The following ADGRE3 variants were observed in gnomAD, a reference collection of about 807,000 sequenced individuals.
ADGRE3 encodes the protein adhesion G protein-coupled receptor E3.
A neutral mutation model predicts 80.1 loss-of-function variants in ADGRE3; 88 were observed. The ratio of observed to expected loss-of-function variants is 1.10; its 90% CI spans 0.93 to 1.31. The LOEUF (loss-of-function observed/expected upper bound fraction) is 1.31, where lower values mean the gene tolerates loss of function less well. Among genes scored for constraint, ADGRE3 ranks in the 40% most tolerant of loss-of-function variants. The probability of loss-of-function intolerance (pLI) is 0.00; values close to 1 mark genes in which losing one functional copy is unlikely to be tolerated. For missense variants in ADGRE3, 715 were observed against 776.5 expected (o/e 0.92, Z 0.94); for synonymous variants, 281 against 294.8 (o/e 0.95, Z 0.48).
At chr19:14,636,108 T>TTC (rs1217714702) in intron 11 of ADGRE3, among the ~76,000 whole-genome samples, 1 of 55,492 alleles carries the variant, frequency 1.8e-5, no homozygotes, top group African/African-American at 6.4e-5. Flanking sequence ...CTTTCTTTCT[T>TTC]TCTTTCTTTC....
At chr19:14,645,741 G>T (rs984230408) in intron 8 of ADGRE3, among the ~76,000 whole-genome samples, 36 of 152,242 alleles carry the variant, frequency 2.4e-4, no homozygotes, top group Admixed American at 2.3e-3. Flanking sequence ...AGAAGCTGAG[G>T]TGGGAGGGTT....
the ADGRE3 span, among the ~76,000 whole-genome samples, chr19:14,607,541 TTTTATTTTATTATTTA>T: frequency 3.4e-5 from 5 of 145,924 alleles, no homozygotes; most frequent in African/African-American, 1.3e-4. Flanking sequence ...ACTTGTTTTA[TTTTATTTTATTATTTA>T]TTTATTTATT....
At chr19:14,615,202 C>CTTTTTTTT (rs34167082), downstream of ADGRE3, among the ~76,000 whole-genome samples, 36 of 65,632 alleles carry the variant, frequency 5.5e-4, 2 homozygotes, top group African/African-American at 8.0e-4. Flanking sequence ...CAGCTGCCTT[C>CTTTTTTTT]TTTTTTTTTT....
intron 1 of ADGRE3, 108 bp from the exon 2 acceptor site, chr19:14,668,960 A>G (rs1972178653): frequency 9.2e-7 from 1 of 1,083,690 alleles, no homozygotes; most frequent in Non-Finnish European, 1.4e-6. Flanking sequence ...GTAACAAATT[A>G]CAAAAATGTA....
intron 7 of ADGRE3, 45 bp from the exon 8 acceptor site, chr19:14,647,410 CTTTTTTTTT>C (rs35043921): frequency 2.1e-6 from 2 of 941,708 alleles, no homozygotes; most frequent in Non-Finnish European, 2.9e-6. Context: ...TCTTTTCTTT[CTTTTTTTTT>C]TTTTTTTTTT....
At chr19:14,674,711 G>A in intron 1 of ADGRE3, 35 bp downstream of exon 1, 1 of 1,608,656 alleles carries the variant, frequency 6.2e-7, no homozygotes, top group Non-Finnish European at 8.5e-7. Context: ...CTGGGGGATA[G>A]GTTAAGCCTC....
intron 7 of ADGRE3, among the ~76,000 whole-genome samples, chr19:14,649,470 ATC>A (rs149941008): frequency 0.18 from 18,829 of 103,842 alleles, 1,460 homozygotes; most frequent in Middle Eastern, 0.31. Context: ...CTTTTTCCCC[ATC>A]TCTCTCTTTT....
At chr19:14,607,320 C>T in the ADGRE3 span, among the ~76,000 whole-genome samples, 1 of 151,778 alleles carries the variant, frequency 6.6e-6, no homozygotes, top group Non-Finnish European at 1.5e-5. Context: ...TTCTCTGCCT[C>T]AGCCTCCCGA....
At chr19:14,617,543 C>T (rs1161277971), downstream of ADGRE3, among the ~76,000 whole-genome samples, 2 of 150,942 alleles carry the variant, frequency 1.3e-5, no homozygotes, top group African/African-American at 2.4e-5. Flanking sequence ...GATTACAGGC[C>T]CCTGCCACCA....
chr19:14,620,468 A>ATATATG (rs1970525586), intron 15 of ADGRE3, among the ~76,000 whole-genome samples: 20 of 123,730 alleles, frequency 1.6e-4, no homozygotes, highest in South Asian at 5.0e-4. Context: ...ATATATGAAT[A>ATATATG]TATTATGAGT....
In ADGRE3 at chr19:14,620,568, ATTTTTTTTTT is replaced by A. The variant is rs1189295641; in HGVS notation, c.1921-1107_1921-1098del. On this transcript the variant is annotated intron_variant, in intron 15 of 15. Coordinates refer to ENST00000253673, the MANE Select transcript of ADGRE3 (RefSeq NM_032571.5). ...ATATATTATATATATATATATATAT[ATTTTTTTTTT>A]TTTTTTTTTTTTTTTTTTTGAGACA... Among the ~76,000 whole-genome samples the A allele has an allele frequency of 3.5e-3, 39 of 11,042 alleles. 3 individuals are homozygous for A. The highest frequency in any genetic ancestry group is 7.4e-3 in the African/African-American group (18 of 2,446). The allele number at this position is 11,042 out of a possible 152,430, so 7.2% of individuals were successfully genotyped here.
At chr19:14,633,052 G>A in intron 12 of ADGRE3, 40 bp from the exon 13 acceptor site, 3 of 1,483,896 alleles carry the variant, frequency 2.0e-6, no homozygotes, top group Non-Finnish European at 1.9e-6. Context: ...GCAAGTTAAA[G>A]TAATGTATGG....
At chr19:14,633,687 A>G (rs2146820048) in intron 11 of ADGRE3, among the ~76,000 whole-genome samples, 1 of 148,066 alleles carries the variant, frequency 6.8e-6, no homozygotes, top group South Asian at 2.1e-4. Context: ...CCTGGGCGAC[A>G]GACTGAGACT....
downstream of ADGRE3, among the ~76,000 whole-genome samples, chr19:14,615,966 CTT>C (rs376499489): frequency 8.5e-5 from 12 of 141,320 alleles, no homozygotes; most frequent in Non-Finnish European, 1.2e-4. Context: ...CTCTGCCTTA[CTT>C]TTTTTTTTTT....
the ADGRE3 span, among the ~76,000 whole-genome samples, chr19:14,602,286 T>G: frequency 2.6e-5 from 4 of 151,658 alleles, no homozygotes; most frequent in African/African-American, 7.3e-5. Context: ...GGTGTTTTCA[T>G]TTACTTATTT....
intron 11 of ADGRE3, among the ~76,000 whole-genome samples, chr19:14,636,086 C>CTTTCTT (rs1555755792): frequency 0.015 from 336 of 22,140 alleles, 30 homozygotes; most frequent in Non-Finnish European, 0.016. Flanking sequence ...CTTTCCCTTT[C>CTTTCTT]TTTCTTTCTT....
chr19:14,665,936 G>GTATATATATGCATACATACATATA (rs71166783), intron 2 of ADGRE3, among the ~76,000 whole-genome samples: 24 of 42,100 alleles, frequency 5.7e-4, no homozygotes, highest in African/African-American at 2.5e-3. Flanking sequence ...ACACATATGT[G>GTATATATATGCATACATACATATA]TATATATATA....
the ADGRE3 span, among the ~76,000 whole-genome samples, chr19:14,601,330 C>A: frequency 1.3e-5 from 2 of 152,170 alleles, no homozygotes; most frequent in African/African-American, 4.8e-5. Flanking sequence ...CACATGTACA[C>A]GCCTATCTTT....
the ADGRE3 span, among the ~76,000 whole-genome samples, chr19:14,608,352 A>G: frequency 2.0e-5 from 3 of 152,144 alleles, no homozygotes; most frequent in African/African-American, 7.2e-5. Context: ...CACAGGTAGC[A>G]TTGCTCATTA....
Sources: gnomAD v4.1 joint callset for allele counts (sites outside exome capture counted in the v4.1 genomes callset) on GRCh38, gnomAD v4.1.1 for gene constraint, MANE v1.5 for transcripts, NCBI Gene and HGNC (gene_info 2026-07-23, HGNC 2026-07-21) for gene names.